Variants in SNX24 observed in about 807,000 individuals in gnomAD.
SNX24 encodes the protein sorting nexin-24.
SNX24 carries 22 observed loss-of-function variants against 28.7 expected under a neutral mutation model. The observed-to-expected ratio is 0.77, with a 90% CI of 0.55 to 1.10. The LOEUF (loss-of-function observed/expected upper bound fraction) is 1.10, where lower values mean the gene tolerates loss of function less well. SNX24 is among the 50% of genes least tolerant of loss of function. SNX24 has a pLI of 0.00. For synonymous variants in SNX24, 69 were observed against 71.5 expected (o/e 0.96, Z 0.18); for missense variants, 221 against 201.1 (o/e 1.10, Z -0.60).
intron 3 of SNX24, among the ~76,000 whole-genome samples, chr5:122,970,832 G>A (rs374613270): frequency 1.2e-4 from 18 of 152,252 alleles, no homozygotes; most frequent in South Asian, 1.0e-3. Context: ...GACTTGGCCC[G>A]TGTGATTATA....
At chr5:123,001,111 A>G (rs186509136) in intron 4 of SNX24, among the ~76,000 whole-genome samples, 1 of 152,348 alleles carries the variant, frequency 6.6e-6, no homozygotes, top group African/African-American at 2.4e-5. Flanking sequence ...TTTTTAGAAT[A>G]GACATTAGCA....
intron 1 of SNX24, among the ~76,000 whole-genome samples, chr5:122,872,835 G>T (rs1756043224): frequency 6.6e-6 from 1 of 151,538 alleles, no homozygotes; most frequent in African/African-American, 2.4e-5. Context: ...AATGGGGCCA[G>T]TTCCCACCGA....
intron 1 of SNX24, among the ~76,000 whole-genome samples, chr5:122,860,658 A>G (rs910963358): frequency 5.3e-5 from 8 of 152,200 alleles, no homozygotes; most frequent in Admixed American, 3.9e-4. Context: ...GTGCAGTGGC[A>G]TGGTCTTAGC....
rs555392400 is a variant in SNX24 at position 122,913,161 on chromosome 5, C to T, written c.61-23573C>T. 3.7e-3 allele frequency among the ~76,000 whole-genome samples: 567 copies of T among 152,380 alleles called. 6 individuals are homozygous for T. Among genetic ancestry groups the T allele is most frequent in the African/African-American group, 0.013 (523 of 41,592 alleles). ...ATCCGATTTCTCAATCTTTTCCCCA[C>T]CTTTCCCCCTTTTCTATTCCACAAA... On this transcript the variant is annotated intron_variant, in intron 1 of 6. Transcript: ENST00000261369.
chr5:123,029,303 A>G, exon 6 of SNX24: 2 of 1,614,098 alleles, frequency 1.2e-6, no homozygotes, highest in Non-Finnish European at 1.7e-6. Flanking sequence ...ATTGAGACAT[A>G]CCTCTCCTGT....
At chr5:122,950,038 T>G (rs925096024) in intron 3 of SNX24, among the ~76,000 whole-genome samples, 4 of 152,106 alleles carry the variant, frequency 2.6e-5, no homozygotes. Context: ...TCTTTCCCCT[T>G]AAATAATATA....
At chr5:122,989,829 T>G (rs1761756210) in intron 3 of SNX24, among the ~76,000 whole-genome samples, 1 of 152,228 alleles carries the variant, frequency 6.6e-6, no homozygotes, top group Admixed American at 6.5e-5. Flanking sequence ...ATGTTAGATT[T>G]GGGAGAAGGG....
intron 3 of SNX24, among the ~76,000 whole-genome samples, chr5:122,993,773 G>A (rs1026696800): frequency 6.6e-6 from 1 of 152,220 alleles, no homozygotes; most frequent in East Asian, 1.9e-4. Context: ...TTACTGCAGT[G>A]AGGAGGTATT....
intron 1 of SNX24, among the ~76,000 whole-genome samples, chr5:122,905,343 C>G (rs246278): frequency 0.18 from 28,097 of 152,046 alleles, 3,103 homozygotes; most frequent in East Asian, 0.48. Context: ...TCCCACCACT[C>G]CTGAGCTGAA....
At chr5:122,986,099 G>A (rs1761593017) in intron 3 of SNX24, among the ~76,000 whole-genome samples, 1 of 152,204 alleles carries the variant, frequency 6.6e-6, no homozygotes, top group East Asian at 1.9e-4. Flanking sequence ...AAGCAGATGG[G>A]TGGATGTGGC....
chr5:122,856,379 G>A (rs761960562), intron 1 of SNX24, among the ~76,000 whole-genome samples: 2 of 152,086 alleles, frequency 1.3e-5, no homozygotes, highest in East Asian at 1.9e-4. Flanking sequence ...ACTGTTGATG[G>A]GCATTTAGGT....
At chr5:122,947,648 ATC>A (rs1759747142) in intron 3 of SNX24, among the ~76,000 whole-genome samples, 1 of 152,176 alleles carries the variant, frequency 6.6e-6, no homozygotes, top group Non-Finnish European at 1.5e-5. Flanking sequence ...AGGAGCTATG[ATC>A]CTTCCATAGC....
intron 1 of SNX24, among the ~76,000 whole-genome samples, chr5:122,919,001 CTTA>C (rs1758303689): frequency 6.6e-6 from 1 of 152,126 alleles, no homozygotes; most frequent in Non-Finnish European, 1.5e-5. Flanking sequence ...CTTTTTGTCG[CTTA>C]TTAAGACTTC....
exon 6 of SNX24, chr5:123,029,238 A>G (rs1432141200): frequency 6.2e-7 from 1 of 1,613,104 alleles, no homozygotes; most frequent in Non-Finnish European, 8.5e-7. Flanking sequence ...ATTTTCTCAG[A>G]TGACATCTTT....
intron 3 of SNX24, among the ~76,000 whole-genome samples, chr5:122,968,295 T>C (rs1042022109): frequency 6.6e-6 from 1 of 152,104 alleles, no homozygotes; most frequent in Non-Finnish European, 1.5e-5. Context: ...TGCAGCAAGC[T>C]GAGATCATGC....
intron 3 of SNX24, among the ~76,000 whole-genome samples, chr5:122,951,042 C>T (rs972233660): frequency 2.0e-5 from 3 of 151,754 alleles, no homozygotes; most frequent in Non-Finnish European, 2.9e-5. Flanking sequence ...CCGAGGCGGG[C>T]GGATCACGAG....
At chr5:122,980,913 T>G (rs1761366396) in intron 3 of SNX24, among the ~76,000 whole-genome samples, 1 of 152,044 alleles carries the variant, frequency 6.6e-6, no homozygotes, top group Non-Finnish European at 1.5e-5. Flanking sequence ...AGCCATTGCC[T>G]CTGAAATTGC....
chr5:122,872,549 C>T (rs948554148), intron 1 of SNX24, among the ~76,000 whole-genome samples: 27 of 152,060 alleles, frequency 1.8e-4, no homozygotes, highest in East Asian at 3.9e-4. Context: ...GCTCAGGTCC[C>T]TGATATAAAA....
At chr5:122,886,600 G>A (rs755283189) in intron 1 of SNX24, among the ~76,000 whole-genome samples, 1 of 152,032 alleles carries the variant, frequency 6.6e-6, no homozygotes, top group African/African-American at 2.4e-5. Context: ...GAATCACGAG[G>A]TCAGGAGTTC....
Sources: allele counts gnomAD v4.1 joint callset (sites outside exome capture counted in the v4.1 genomes callset), GRCh38; gene constraint gnomAD v4.1.1; transcripts MANE v1.5; gene names NCBI Gene and HGNC (gene_info 2026-07-23, HGNC 2026-07-21).